Variants in RTN1 observed in about 807,000 individuals in gnomAD.
The protein encoded by RTN1 is reticulon-1.
In RTN1, 25 loss-of-function variants were observed where a neutral mutation model predicts 65.5. The ratio of observed to expected loss-of-function variants is 0.38; its 90% CI spans 0.28 to 0.53. RTN1 has a LOEUF of 0.53. Ranked by LOEUF, RTN1 falls within the 20% of genes least tolerant of loss-of-function variation. The pLI is 0.79. For synonymous variants in RTN1, 471 were observed against 447.6 expected (o/e 1.05, Z -0.66); for missense variants, 983 against 1,025.4 (o/e 0.96, Z 0.57).
intron 1 of RTN1, among the ~76,000 whole-genome samples, chr14:59,861,147 A>C (rs189615171): frequency 0.012 from 1,849 of 152,220 alleles, 35 homozygotes; most frequent in African/African-American, 0.042. Flanking sequence ...CTGTGTCCCC[A>C]CCCAAATTTC....
chr14:59,611,130 A>G (rs528867665), intron 3 of RTN1, among the ~76,000 whole-genome samples: 2 of 152,266 alleles, frequency 1.3e-5, no homozygotes, highest in East Asian at 3.9e-4. Context: ...CTCTTTCTCC[A>G]TTGCAATTCC....
At chr14:59,704,362 G>C (rs976265377) in intron 3 of RTN1, among the ~76,000 whole-genome samples, 1 of 152,178 alleles carries the variant, frequency 6.6e-6, no homozygotes, top group Non-Finnish European at 1.5e-5. Context: ...AATATTGAAC[G>C]ATGTTCCCCC....
At chr14:59,842,428 G>A (rs1318258052) in intron 1 of RTN1, among the ~76,000 whole-genome samples, 1 of 152,070 alleles carries the variant, frequency 6.6e-6, no homozygotes, top group Non-Finnish European at 1.5e-5. Context: ...AACTGGATTT[G>A]TGGGAGAAAT....
intron 3 of RTN1, among the ~76,000 whole-genome samples, chr14:59,716,955 G>T (rs1041139658): frequency 1.4e-5 from 2 of 147,236 alleles, no homozygotes; most frequent in African/African-American, 5.0e-5. Flanking sequence ...GCAACAGAGC[G>T]AGACTCCATC....
intron 3 of RTN1, among the ~76,000 whole-genome samples, chr14:59,662,088 C>CA (rs1161788538): frequency 2.0e-5 from 3 of 151,952 alleles, no homozygotes; most frequent in Admixed American, 6.6e-5. Context: ...AATCAATGTG[C>CA]AAAAATCACA....
At position 59,870,341 on chromosome 14, in the gene RTN1, GGGGCCCT is replaced by G; in HGVS notation, c.241+42_241+48del. The G allele has an allele frequency of 7.0e-7, 1 of 1,435,912 alleles. No homozygotes were observed. The allele number at this position is 1,435,912 out of a possible 1,614,324, so 88.9% of individuals were successfully genotyped here. A position where few individuals can be genotyped will look rare whatever the true frequency, so the allele number is the denominator to read the frequency against. On this transcript the variant is annotated intron_variant, in intron 1 of 8. Coordinates refer to ENST00000267484, the MANE Select transcript of RTN1 (RefSeq NM_021136.3). This position sits in a 1 kb window ranked among gnomAD's most constrained non-coding sequence, Gnocchi z 5.1. ...AGCCGCGCAGAAGGGGACTGACTGG[GGGGCCCT>G]GGTCCCCGACGCCATTTGAGGGGCA...
intron 1 of RTN1, among the ~76,000 whole-genome samples, chr14:59,866,847 C>G (rs1313193856): frequency 6.6e-6 from 1 of 152,094 alleles, no homozygotes; most frequent in Non-Finnish European, 1.5e-5. Context: ...TCAAACACAT[C>G]CAAAAGTGAA....
intron 3 of RTN1, among the ~76,000 whole-genome samples, chr14:59,658,879 T>C (rs1242332262): frequency 6.6e-6 from 1 of 152,050 alleles, no homozygotes; most frequent in Non-Finnish European, 1.5e-5. Context: ...GGACAGACAA[T>C]GAGTTTGACA....
chr14:59,603,809 A>G (rs767923647), intron 6 of RTN1, 43 bp downstream of exon 6: 3 of 1,517,156 alleles, frequency 2.0e-6, no homozygotes, highest in Non-Finnish European at 2.7e-6. Context: ...GCGTTTTCAC[A>G]GAGGGGGTGA....
chr14:59,663,040 A>G (rs1883285310), intron 3 of RTN1, among the ~76,000 whole-genome samples: 1 of 152,170 alleles, frequency 6.6e-6, no homozygotes, highest in Non-Finnish European at 1.5e-5. Flanking sequence ...CAGTAACCAA[A>G]ACAGCATGGT....
chr14:59,645,901 T>C (rs986010859), intron 3 of RTN1, among the ~76,000 whole-genome samples: 6 of 152,198 alleles, frequency 3.9e-5, no homozygotes, highest in African/African-American at 1.2e-4. Context: ...ACAAGTCAGA[T>C]GACCAGAGTG....
chr14:59,599,605 C>T (rs1389077016), intron 8 of RTN1, among the ~76,000 whole-genome samples: 3 of 152,058 alleles, frequency 2.0e-5, no homozygotes, highest in Non-Finnish European at 4.4e-5. Context: ...CATTTTTTTC[C>T]ACAAGGACAC....
chr14:59,657,294 A>G (rs1883141538), intron 3 of RTN1, among the ~76,000 whole-genome samples: 1 of 152,210 alleles, frequency 6.6e-6, no homozygotes, highest in African/African-American at 2.4e-5. Flanking sequence ...CTGTAATCAC[A>G]GCTACTGGGG....
At chr14:59,812,679 T>C (rs926698499) in intron 1 of RTN1, among the ~76,000 whole-genome samples, 14 of 152,244 alleles carry the variant, frequency 9.2e-5, no homozygotes, top group Admixed American at 5.2e-4. Context: ...TGAGTGTTTC[T>C]CATGTATGAA....
intron 2 of RTN1, 56 bp downstream of exon 2, chr14:59,745,652 G>T: frequency 7.1e-7 from 1 of 1,411,608 alleles, no homozygotes; most frequent in Non-Finnish European, 9.6e-7. Flanking sequence ...TTGTTTTAGG[G>T]ATTGAGATTT....
At chr14:59,659,302 T>C (rs756281694) in intron 3 of RTN1, among the ~76,000 whole-genome samples, 31 of 152,126 alleles carry the variant, frequency 2.0e-4, no homozygotes, top group Non-Finnish European at 3.1e-4. Flanking sequence ...TGGAACCAAG[T>C]TGGAAAACAC....
intron 3 of RTN1, among the ~76,000 whole-genome samples, chr14:59,712,870 C>G (rs1884452613): frequency 6.6e-6 from 1 of 150,914 alleles, no homozygotes; most frequent in Non-Finnish European, 1.5e-5. Flanking sequence ...GAAATCACTC[C>G]CATTGCACTC....
At chr14:59,608,964 C>T (rs1350070984) in intron 3 of RTN1, among the ~76,000 whole-genome samples, 3 of 152,126 alleles carry the variant, frequency 2.0e-5, no homozygotes, top group African/African-American at 7.2e-5. Context: ...CCTATCCTGA[C>T]CCCAGTCACA....
At chr14:59,805,032 CA>C (rs1384364345) in intron 1 of RTN1, among the ~76,000 whole-genome samples, 97 of 152,336 alleles carry the variant, frequency 6.4e-4, no homozygotes, top group Non-Finnish European at 1.2e-3. Context: ...GGGTGATATT[CA>C]AACACACCAA....
Sources: gnomAD v4.1 joint callset for allele counts (sites outside exome capture counted in the v4.1 genomes callset) on GRCh38, gnomAD v4.1.1 for gene constraint, Gnocchi (gnomAD v3.1) non-coding constraint, MANE v1.5 for transcripts, NCBI Gene and HGNC (gene_info 2026-07-23, HGNC 2026-07-21) for gene names.